Variants in HPSE2 observed in about 807,000 individuals in gnomAD.
HPSE2 encodes heparanase 2 (inactive), also known as inactive heparanase-2.
In HPSE2, 38 loss-of-function variants were observed where a neutral mutation model predicts 60.5. The ratio of observed to expected loss-of-function variants is 0.63; its 90% CI spans 0.48 to 0.82. HPSE2 has a LOEUF of 0.82. Among genes scored for constraint, HPSE2 ranks in the 40% least tolerant of loss-of-function variants. The pLI is 0.00. For synonymous variants in HPSE2, 295 were observed against 293.2 expected, an observed-to-expected ratio of 1.01 and a Z score of -0.06; for missense variants, 713 against 740.4, an observed-to-expected ratio of 0.96 and a Z score of 0.43.
intron 9 of HPSE2, among the ~76,000 whole-genome samples, chr10:98,512,385 T>G (rs1217261232): frequency 2.6e-5 from 4 of 152,070 alleles, no homozygotes; most frequent in Non-Finnish European, 4.4e-5. Flanking sequence ...ATCGAGACCA[T>G]CCTGGCTAAC....
intron 2 of HPSE2, among the ~76,000 whole-genome samples, chr10:99,149,446 T>G (rs978632645): frequency 6.6e-6 from 1 of 152,208 alleles, no homozygotes; most frequent in East Asian, 1.9e-4. Flanking sequence ...CAAGTTTGGA[T>G]CCCTCTAGTA....
intron 5 of HPSE2, among the ~76,000 whole-genome samples, chr10:98,703,526 A>G (rs1341713834): frequency 2.0e-5 from 3 of 152,186 alleles, no homozygotes; most frequent in Admixed American, 6.5e-5. Flanking sequence ...CCTCAATAAA[A>G]TGCTGGCAAA....
At chr10:99,204,829 A>G (rs1848689408) in intron 2 of HPSE2, among the ~76,000 whole-genome samples, 1 of 152,264 alleles carries the variant, frequency 6.6e-6, no homozygotes, top group Non-Finnish European at 1.5e-5. Flanking sequence ...TGAATTCACA[A>G]AATATATGTA....
intron 3 of HPSE2, among the ~76,000 whole-genome samples, chr10:98,774,226 G>T (rs759804366): frequency 2.6e-5 from 4 of 151,852 alleles, no homozygotes; most frequent in Non-Finnish European, 5.9e-5. Context: ...GAATAAAAAA[G>T]AACAAAATAA....
chr10:99,235,102 A>ACT (rs1491458676), intron 1 of HPSE2, among the ~76,000 whole-genome samples: 1 of 4,736 alleles, frequency 2.1e-4, no homozygotes, highest in Non-Finnish European at 6.5e-4. Context: ...TGTCTCACAT[A>ACT]CACACACACA....
At chr10:98,655,682 T>A (rs1388573692) in intron 6 of HPSE2, among the ~76,000 whole-genome samples, 2 of 152,200 alleles carry the variant, frequency 1.3e-5, no homozygotes, top group African/African-American at 4.8e-5. Flanking sequence ...CTGATGGAAT[T>A]CTCATCATGC....
At chr10:98,814,043 T>C (rs914467222) in intron 3 of HPSE2, among the ~76,000 whole-genome samples, 1 of 152,174 alleles carries the variant, frequency 6.6e-6, no homozygotes, top group African/African-American at 2.4e-5. Context: ...AGTACCTTGT[T>C]ATAGGTTACC....
At chr10:98,906,840 GT>G (rs2135003291) in intron 3 of HPSE2, among the ~76,000 whole-genome samples, 1 of 151,774 alleles carries the variant, frequency 6.6e-6, no homozygotes, top group African/African-American at 2.4e-5. Context: ...GGAGACAGAG[GT>G]TGCAGTGAGC....
intron 5 of HPSE2, among the ~76,000 whole-genome samples, chr10:98,709,759 T>C (rs768505106): frequency 2.0e-5 from 3 of 152,222 alleles, no homozygotes; most frequent in South Asian, 4.1e-4. Flanking sequence ...ATCTGAAATA[T>C]TGTTGAGCCT....
At chr10:99,242,164 A>G in the HPSE2 span, among the ~76,000 whole-genome samples, 1 of 152,208 alleles carries the variant, frequency 6.6e-6, no homozygotes, top group Non-Finnish European at 1.5e-5. Context: ...TCCTGCCAGG[A>G]GAAGCAAGGG....
intron 6 of HPSE2, among the ~76,000 whole-genome samples, chr10:98,678,362 T>C (rs1344340526): frequency 6.6e-6 from 1 of 152,200 alleles, no homozygotes; most frequent in Non-Finnish European, 1.5e-5. Context: ...CCATCTTCTA[T>C]GGTACTGGTG....
At chr10:99,156,599 T>C (rs1846573746) in intron 2 of HPSE2, among the ~76,000 whole-genome samples, 1 of 119,904 alleles carries the variant, frequency 8.3e-6, no homozygotes, top group East Asian at 2.9e-4. Context: ...TGGGACGTAT[T>C]TCAAAATAAT....
chr10:98,482,776 G>A lies in HPSE2; in HGVS notation c.1473C>T (p.Asn491=), dbSNP rs1941292572. The A allele has an allele frequency of 1.9e-6, 3 of 1,614,056 alleles. No homozygotes were observed. Among genetic ancestry groups the A allele is most frequent in the Admixed American group, 1.7e-5 (1 of 60,012 alleles). ...YAHCTNHHNH[N]YVRGSITLFI... The stretch of plus-strand genomic sequence containing the variant: ...AAAGTGTAATGGACCCACGAACGTA[G>A]TTGTGGCTGAGATCCAGAGAAAGAG... The change falls in exon 11 of 12, where the codon AAC becomes AAT. Residue 491 remains asparagine (N), a synonymous_variant. Transcript: ENST00000370552.
chr10:99,081,929 C>G (rs889502859), intron 3 of HPSE2, among the ~76,000 whole-genome samples: 1 of 152,186 alleles, frequency 6.6e-6, no homozygotes, highest in Non-Finnish European at 1.5e-5. Context: ...AGCCACCCCG[C>G]CCAGCCGATG....
At chr10:99,083,314 T>C (rs1029523195) in intron 3 of HPSE2, among the ~76,000 whole-genome samples, 1 of 152,204 alleles carries the variant, frequency 6.6e-6, no homozygotes, top group African/African-American at 2.4e-5. Context: ...TCCTACTCTA[T>C]AGACTTTCAT....
chr10:99,191,007 G>C (rs1214284971), intron 2 of HPSE2, among the ~76,000 whole-genome samples: 1 of 152,176 alleles, frequency 6.6e-6, no homozygotes, highest in Non-Finnish European at 1.5e-5. Context: ...AGCAGGCCTA[G>C]GGTGGTCGTG....
At chr10:99,237,245 T>C (rs1411413205), upstream of HPSE2, among the ~76,000 whole-genome samples, 2 of 152,198 alleles carry the variant, frequency 1.3e-5, no homozygotes, top group African/African-American at 4.8e-5. Context: ...AACTACTTTA[T>C]GTAGTGCGGG....
chr10:98,480,887 T>C (rs2133640682), intron 11 of HPSE2, among the ~76,000 whole-genome samples: 1 of 152,338 alleles, frequency 6.6e-6, no homozygotes, highest in East Asian at 1.9e-4. Context: ...GCATTTACTA[T>C]ATGTCAGGAA....
intron 3 of HPSE2, among the ~76,000 whole-genome samples, chr10:99,133,890 G>T (rs753987308): frequency 6.6e-6 from 1 of 152,192 alleles, no homozygotes; most frequent in Non-Finnish European, 1.5e-5. Context: ...ATCGACAGAA[G>T]TAGGCTTCAG....
Sources: gnomAD v4.1 joint callset for allele counts (sites outside exome capture counted in the v4.1 genomes callset) on GRCh38, gnomAD v4.1.1 for gene constraint, MANE v1.5 for transcripts, NCBI Gene and HGNC (gene_info 2026-07-23, HGNC 2026-07-21) for gene names.